GMDS: variants seen among roughly 807,000 people sequenced by gnomAD.
GMDS encodes the protein GDP-mannose 4,6 dehydratase.
In GMDS, 20 loss-of-function variants were observed where a neutral mutation model predicts 49.9. The observed-to-expected ratio is 0.40, with a 90% confidence interval of 0.28 to 0.58. GMDS has a LOEUF of 0.58. Ranked by LOEUF, GMDS falls within the 20% of genes least tolerant of loss-of-function variation. The pLI, the probability that GMDS is intolerant of heterozygous loss-of-function variation, is 0.42. For missense variants in GMDS, 362 were observed against 481.4 expected, an observed-to-expected ratio of 0.75 and a Z score of 2.32; for synonymous variants, 177 against 178.6, an observed-to-expected ratio of 0.99 and a Z score of 0.07.
intron 9 of GMDS, among the ~76,000 whole-genome samples, chr6:1,668,508 G>C (rs887283920): frequency 2.0e-5 from 3 of 152,128 alleles, no homozygotes; most frequent in African/African-American, 4.8e-5. Context: ...TCAGAAGTTT[G>C]AGACCAGCTT....
chr6:2,016,741 G>T lies in GMDS; in HGVS notation c.346-55775C>A, dbSNP rs912888404. Reference sequence around the variant, plus strand: ...AAAGAAAATACTCTCAACAACAATAGAATCAAACTATAAATCAATAAAAAC... The same window carrying T: ...AAAGAAAATACTCTCAACAACAATATAATCAAACTATAAATCAATAAAAAC... On this transcript the variant is annotated intron_variant, in intron 4 of 10. Coordinates refer to ENST00000380815, the MANE Select transcript of GMDS (RefSeq NM_001500.4). Among the ~76,000 whole-genome samples, 6 of 151,836 alleles carry T rather than the reference G, an allele frequency of 4.0e-5. 1 individual carries two copies. The East Asian group carries it at 1.2e-3, about 29-fold the overall frequency.
intron 9 of GMDS, among the ~76,000 whole-genome samples, chr6:1,665,489 G>A (rs1241328858): frequency 1.3e-5 from 2 of 152,208 alleles, no homozygotes; most frequent in Non-Finnish European, 2.9e-5. Context: ...AAAGAGGAAG[G>A]GAGACAGACC....
rs143300269 is a variant in GMDS at position 1,993,217 on chromosome 6, G to C, written c.346-32251C>G. 5.4e-3 allele frequency among the ~76,000 whole-genome samples: 818 copies of C among 152,086 alleles called. 9 individuals carry two copies. Among genetic ancestry groups the C allele is most frequent in the Middle Eastern group, 0.037 (11 of 294 alleles). On this transcript the variant is annotated intron_variant, in intron 4 of 10. Transcript: ENST00000380815. The stretch of plus-strand genomic sequence containing the variant: ...CTTCTCTTCCTTCTCGGAGGGTATG[G>C]GTATTCTCGCTTCTATGCTGGCTCG...
intron 1 of GMDS, among the ~76,000 whole-genome samples, chr6:2,136,714 T>C (rs772395560): frequency 6.6e-6 from 1 of 151,870 alleles, no homozygotes. Context: ...AATGAGACCA[T>C]GTACCAAAAA....
chr6:2,176,300 T>C (rs1778282674), intron 1 of GMDS, among the ~76,000 whole-genome samples: 1 of 152,196 alleles, frequency 6.6e-6, no homozygotes, highest in South Asian at 2.1e-4. Context: ...TTTATCTCAC[T>C]GTGGAAAGAA....
chr6:2,184,969 A>T (rs1487127320), intron 1 of GMDS, among the ~76,000 whole-genome samples: 2 of 152,242 alleles, frequency 1.3e-5, no homozygotes, highest in East Asian at 3.9e-4. Flanking sequence ...TGTACCAGAC[A>T]CTGTTTTAGG....
chr6:2,221,142 G>GTAC (rs1245614325), intron 1 of GMDS, among the ~76,000 whole-genome samples: 1 of 152,148 alleles, frequency 6.6e-6, no homozygotes. Context: ...AGGAGCCACT[G>GTAC]TACTCCAGCC....
At chr6:2,139,569 T>C (rs1776181952) in intron 1 of GMDS, among the ~76,000 whole-genome samples, 1 of 152,192 alleles carries the variant, frequency 6.6e-6, no homozygotes, top group African/African-American at 2.4e-5. Flanking sequence ...TATTTATTAA[T>C]TGTGGTAATT....
chr6:1,637,469 C>T (rs896923668), intron 9 of GMDS, among the ~76,000 whole-genome samples: 3 of 152,380 alleles, frequency 2.0e-5, no homozygotes, highest in Admixed American at 2.0e-4. Context: ...GGGGAGCTGT[C>T]ACCTGTGCCA....
Position 1,853,864 on chromosome 6 carries a change from C to T in GMDS, c.771+76239G>A, listed in dbSNP as rs11966642. The stretch of plus-strand genomic sequence containing the variant: ...AATCCCCCGAGTTGAATGAATGAGT[C>T]ATAAATGCAAGGTGTATTTTTAATT... On this transcript the variant is annotated intron_variant, in intron 7 of 10. Transcript: ENST00000380815. 4.1e-3 allele frequency among the ~76,000 whole-genome samples: 618 copies of T among 152,256 alleles called. 4 individuals carry two copies. Among genetic ancestry groups the T allele is most frequent in the African/African-American group, 0.014 (586 of 41,544 alleles).
intron 9 of GMDS, among the ~76,000 whole-genome samples, chr6:1,642,772 G>A (rs1369763481): frequency 3.9e-5 from 6 of 152,200 alleles, no homozygotes; most frequent in African/African-American, 7.2e-5. Context: ...TCCCATGTGG[G>A]CGACAGGCAA....
intron 4 of GMDS, among the ~76,000 whole-genome samples, chr6:2,047,261 T>C (rs1442967899): frequency 6.6e-6 from 1 of 152,184 alleles, no homozygotes; most frequent in Admixed American, 6.5e-5. Context: ...ATAGTTCAAG[T>C]TATATTAAGA....
intron 8 of GMDS, among the ~76,000 whole-genome samples, chr6:1,739,122 C>G (rs1489477270): frequency 6.6e-6 from 1 of 152,210 alleles, no homozygotes; most frequent in Non-Finnish European, 1.5e-5. Context: ...GTGTTCACTG[C>G]AAATATCCTA....
Position 1,635,570 on chromosome 6 carries a change from G to GGGCGACACTGTGC in GMDS, c.988-11043_988-11031dup, listed in dbSNP as rs1320479459. Among the ~76,000 whole-genome samples the GGGCGACACTGTGC allele has an allele frequency of 6.6e-6, 1 of 152,200 alleles. No individual in the cohort carries two copies. Among genetic ancestry groups the GGGCGACACTGTGC allele is most frequent in the East Asian group, 1.9e-4 (1 of 5,188 alleles). On this transcript the variant is annotated intron_variant, in intron 9 of 10. Coordinates refer to ENST00000380815, the MANE Select transcript of GMDS (RefSeq NM_001500.4). This position sits in a 1 kb window ranked among gnomAD's most constrained non-coding sequence, Gnocchi z 4.7. ...ATGGGAGCTTTGGTGGGGACTCCGA[G>GGGCGACACTGTGC]GGCGACACTGTGCGGCGACCCTTGG...
At chr6:1,991,221 G>A (rs1418430378) in intron 4 of GMDS, among the ~76,000 whole-genome samples, 1 of 151,996 alleles carries the variant, frequency 6.6e-6, no homozygotes, top group Non-Finnish European at 1.5e-5. Context: ...TGGGAGAGAT[G>A]TCCCTATTCC....
intron 4 of GMDS, among the ~76,000 whole-genome samples, chr6:2,031,347 T>C (rs1768951058): frequency 6.6e-6 from 1 of 152,206 alleles, no homozygotes; most frequent in South Asian, 2.1e-4. Context: ...TTCTGTGTTC[T>C]AGGTATCCTA....
Position 1,685,330 on chromosome 6 carries a change from AC to A in GMDS, c.987+41085del, listed in dbSNP as rs1312909294. ...GCCGGAGCCGAGATCACGCCACTGCACTCCAGCCTGGGTGACAGAGCGAGAC... is the reference window on the plus strand; with the variant it reads ...GCCGGAGCCGAGATCACGCCACTGCATCCAGCCTGGGTGACAGAGCGAGAC... On this transcript the variant is annotated intron_variant, in intron 9 of 10. Coordinates refer to ENST00000380815, the MANE Select transcript of GMDS (RefSeq NM_001500.4). Among the ~76,000 whole-genome samples the A allele has an allele frequency of 2.6e-5, 4 of 152,106 alleles. No individual in the cohort carries two copies. In the East Asian group the frequency reaches 5.8e-4, roughly 22 times the overall value.
chr6:2,207,445 T>G (rs1037310317), intron 1 of GMDS, among the ~76,000 whole-genome samples: 2 of 151,972 alleles, frequency 1.3e-5, no homozygotes, highest in African/African-American at 2.4e-5. Flanking sequence ...TTAAGCTCAG[T>G]GTTCACCCCA....
chr6:2,050,728 G>A (rs572263272), intron 4 of GMDS, among the ~76,000 whole-genome samples: 2 of 152,178 alleles, frequency 1.3e-5, no homozygotes, highest in East Asian at 1.9e-4. Context: ...TTCAACATAC[G>A]CAAATCAATA....
Sources: gnomAD v4.1 joint callset for allele counts (sites outside exome capture counted in the v4.1 genomes callset) on GRCh38, gnomAD v4.1.1 for gene constraint, Gnocchi (gnomAD v3.1) non-coding constraint, MANE v1.5 for transcripts, NCBI Gene and HGNC (gene_info 2026-07-23, HGNC 2026-07-21) for gene names.